GRM1: variants seen among roughly 807,000 people sequenced by gnomAD.
GRM1 encodes the protein glutamate metabotropic receptor 1, also known as metabotropic glutamate receptor 1.
GRM1 carries 33 observed loss-of-function variants against 90.9 expected under a neutral mutation model. The ratio of observed to expected loss-of-function variants is 0.36; its 90% CI spans 0.28 to 0.49. GRM1 has a LOEUF of 0.49. Among genes scored for constraint, GRM1 ranks in the 20% least tolerant of loss-of-function variants. GRM1 has a pLI of 0.99. For missense variants in GRM1, 1,190 were observed against 1,534.3 expected (o/e 0.78, Z 3.75); for synonymous variants, 700 against 613.2 (o/e 1.14, Z -2.09).
chr6:146,397,131 T>C (rs1221966664), intron 6 of GRM1, among the ~76,000 whole-genome samples: 3 of 152,134 alleles, frequency 2.0e-5, no homozygotes, highest in Non-Finnish European at 4.4e-5. Context: ...ATTATCTTGG[T>C]GAAGCCTCTA....
At chr6:146,170,795 G>A (rs1286452776) in intron 2 of GRM1, among the ~76,000 whole-genome samples, 2 of 151,414 alleles carry the variant, frequency 1.3e-5, no homozygotes, top group African/African-American at 4.8e-5. Flanking sequence ...GTTTTTGGTT[G>A]CCTGCTTTTT....
At chr6:146,108,250 C>T (rs1446529697) in intron 1 of GRM1, among the ~76,000 whole-genome samples, 1 of 152,164 alleles carries the variant, frequency 6.6e-6, no homozygotes, top group Admixed American at 6.5e-5. Context: ...CATGATCTCA[C>T]CATTATATGG....
intron 1 of GRM1, among the ~76,000 whole-genome samples, chr6:146,128,311 A>G (rs1223201493): frequency 1.3e-5 from 2 of 152,320 alleles, no homozygotes; most frequent in South Asian, 4.1e-4. Flanking sequence ...CCTGCTGCTA[A>G]GATAATAATA....
intron 3 of GRM1, among the ~76,000 whole-genome samples, chr6:146,311,038 T>A (rs1562599451): frequency 6.6e-6 from 1 of 152,256 alleles, no homozygotes; most frequent in Non-Finnish European, 1.5e-5. Flanking sequence ...GAGCAATAGT[T>A]GGTTTAATTA....
At chr6:146,085,820 TTTAGGATTTAGTTGCTTTGAGGAA>T (rs1776523646) in intron 1 of GRM1, among the ~76,000 whole-genome samples, 1 of 152,134 alleles carries the variant, frequency 6.6e-6, no homozygotes, top group Non-Finnish European at 1.5e-5. Flanking sequence ...GCTTTGAGGA[TTTAGGATTTAGTTGCTTTGAGGAA>T]TTAGGACTTG....
At chr6:146,329,935 T>C (rs1784529653) in intron 3 of GRM1, among the ~76,000 whole-genome samples, 1 of 152,218 alleles carries the variant, frequency 6.6e-6, no homozygotes, top group Non-Finnish European at 1.5e-5. Context: ...GTGTATATCT[T>C]AAGTCAAACT....
At position 146,213,780 on chromosome 6, in the gene GRM1, G is replaced by A. The variant is rs564007477; in HGVS notation, c.950+54183G>A. Among the ~76,000 whole-genome samples, 11 of 152,192 alleles carry A rather than the reference G, an allele frequency of 7.2e-5. No individual in the cohort carries two copies. The East Asian group carries it at 1.9e-3, about 27-fold the overall frequency. ...TTGGGGGAATTGGGTCACATGACCA[G>A]GGAGGCTGCAAAGTCTCATGAGAAG... On this transcript the variant is annotated intron_variant, in intron 2 of 7. Coordinates refer to ENST00000282753, the MANE Select transcript of GRM1 (RefSeq NM_001278064.2).
At chr6:146,278,068 C>G (rs1287387252) in intron 2 of GRM1, among the ~76,000 whole-genome samples, 1 of 151,902 alleles carries the variant, frequency 6.6e-6, no homozygotes, top group Non-Finnish European at 1.5e-5. Context: ...CATTTGGATT[C>G]AAGATTAAAG....
intron 1 of GRM1, among the ~76,000 whole-genome samples, chr6:146,055,134 T>C (rs930029701): frequency 1.3e-5 from 2 of 152,110 alleles, no homozygotes; most frequent in Non-Finnish European, 2.9e-5. Flanking sequence ...TTAAAACATG[T>C]TGAATAAATG....
At position 146,252,474 on chromosome 6, in the gene GRM1, C is replaced by T. The variant is rs138198195; in HGVS notation, c.951-52137C>T. ...CCAACATGGTGAAACTCTATCTCTA[C>T]TAAAAATAGAAAATTAGCCAGGCAT... On this transcript the variant is annotated intron_variant, in intron 2 of 7. Coordinates refer to ENST00000282753, the MANE Select transcript of GRM1 (RefSeq NM_001278064.2). Among the ~76,000 whole-genome samples, 425 of 152,086 alleles carry T rather than the reference C, an allele frequency of 2.8e-3. 3 individuals carry two copies. The highest frequency in any genetic ancestry group is 5.4e-3 in the Admixed American group (83 of 15,262).
At chr6:146,237,174 C>A (rs1466714468) in intron 2 of GRM1, among the ~76,000 whole-genome samples, 2 of 151,902 alleles carry the variant, frequency 1.3e-5, no homozygotes, top group East Asian at 3.9e-4. Flanking sequence ...GTGATTTTTG[C>A]AGATTTTCCT....
chr6:146,321,854 G>A (rs768476329), intron 3 of GRM1, among the ~76,000 whole-genome samples: 11 of 152,130 alleles, frequency 7.2e-5, no homozygotes, highest in Middle Eastern at 3.4e-3. Context: ...GAACTTATGT[G>A]TGTCTTTGCA....
intron 1 of GRM1, among the ~76,000 whole-genome samples, chr6:146,120,752 G>A (rs1210745271): frequency 1.8e-4 from 28 of 152,236 alleles, no homozygotes; most frequent in South Asian, 1.5e-3. Context: ...ATTGATTTGC[G>A]TATGTTGAAC....
intron 2 of GRM1, among the ~76,000 whole-genome samples, chr6:146,193,506 A>C (rs891056820): frequency 2.0e-5 from 3 of 152,170 alleles, no homozygotes; most frequent in African/African-American, 7.2e-5. Flanking sequence ...GTGAGTGGTC[A>C]CCTGTGTCAA....
intron 2 of GRM1, among the ~76,000 whole-genome samples, chr6:146,233,695 G>A (rs1237130075): frequency 1.3e-5 from 2 of 152,038 alleles, no homozygotes; most frequent in Non-Finnish European, 2.9e-5. Context: ...TTAAAAATGT[G>A]TTAGGATTTG....
At chr6:146,054,644 G>A (rs1021328040) in intron 1 of GRM1, among the ~76,000 whole-genome samples, 1 of 152,046 alleles carries the variant, frequency 6.6e-6, no homozygotes, top group Non-Finnish European at 1.5e-5. Flanking sequence ...GAGGAGAAAG[G>A]GAAAGAAACA....
chr6:146,067,299 A>G (rs1160459274), intron 1 of GRM1, among the ~76,000 whole-genome samples: 1 of 152,224 alleles, frequency 6.6e-6, no homozygotes, highest in Non-Finnish European at 1.5e-5. Context: ...TGTTTCCAAT[A>G]TGATATATGC....
intron 3 of GRM1, among the ~76,000 whole-genome samples, chr6:146,312,790 C>T (rs1475557079): frequency 1.3e-5 from 2 of 152,224 alleles, no homozygotes; most frequent in Admixed American, 1.3e-4. Context: ...TGACGAATTA[C>T]AACAGCTGAA....
At chr6:146,125,575 G>A (rs907825844) in intron 1 of GRM1, among the ~76,000 whole-genome samples, 5 of 151,256 alleles carry the variant, frequency 3.3e-5, no homozygotes, top group Non-Finnish European at 7.4e-5. Context: ...TTAGACTTAA[G>A]GTATAAATTA....
Sources: allele counts gnomAD v4.1 joint callset (sites outside exome capture counted in the v4.1 genomes callset), GRCh38; gene constraint gnomAD v4.1.1; transcripts MANE v1.5; gene names NCBI Gene and HGNC (gene_info 2026-07-23, HGNC 2026-07-21).